Variants in C1GALT1 observed in about 807,000 individuals in gnomAD.
The protein encoded by C1GALT1 is core 1 synthase, glycoprotein-N-acetylgalactosamine 3-beta-galactosyltransferase 1.
Under a neutral mutation model 31.0 loss-of-function variants are expected in C1GALT1, and 11 were observed. The ratio of observed to expected loss-of-function variants is 0.36; its 90% confidence interval spans 0.22 to 0.59. The LOEUF (loss-of-function observed/expected upper bound fraction) is 0.59, where lower values mean the gene tolerates loss of function less well. Ranked by LOEUF, C1GALT1 falls within the 20% of genes least tolerant of loss-of-function variation. The pLI is 0.79. For synonymous variants in C1GALT1, 175 were observed against 143.6 expected (o/e 1.22, Z -1.56); for missense variants, 424 against 425.2 (o/e 1.00, Z 0.03).
chr7:7,206,763 T>TG (rs1019490377), intron 1 of C1GALT1, among the ~76,000 whole-genome samples: 4 of 151,960 alleles, frequency 2.6e-5, no homozygotes, highest in African/African-American at 4.8e-5. Context: ...GCATTTTTTT[T>TG]TTTGTTTTAT....
intron 3 of C1GALT1, among the ~76,000 whole-genome samples, chr7:7,242,210 C>CTTT (rs79025784): frequency 2.3e-5 from 3 of 132,284 alleles, no homozygotes; most frequent in African/African-American, 2.7e-5. Flanking sequence ...TGAAATTTCA[C>CTTT]TTTTTTTTTT....
chr7:7,200,833 G>C (rs1263638812), intron 1 of C1GALT1, among the ~76,000 whole-genome samples: 1 of 152,132 alleles, frequency 6.6e-6, no homozygotes, highest in South Asian at 2.1e-4. Flanking sequence ...TTGTGCCATG[G>C]TTTTCAGCTC....
intron 2 of C1GALT1, among the ~76,000 whole-genome samples, chr7:7,175,928 T>A (rs1269562013): frequency 6.6e-6 from 1 of 152,094 alleles, no homozygotes; most frequent in African/African-American, 2.4e-5. Context: ...CCTACCTTTA[T>A]CCCCTCATTT....
chr7:7,205,997 T>G (rs1562572857), intron 1 of C1GALT1, among the ~76,000 whole-genome samples: 1 of 152,248 alleles, frequency 6.6e-6, no homozygotes, highest in African/African-American at 2.4e-5. Context: ...TCATTTCTTT[T>G]TGTGTGTATT....
intron 1 of C1GALT1, among the ~76,000 whole-genome samples, chr7:7,202,399 A>T (rs750950917): frequency 1.3e-5 from 2 of 152,070 alleles, no homozygotes; most frequent in Non-Finnish European, 2.9e-5. Flanking sequence ...GTTAGTTTTC[A>T]TATATTGTGT....
At position 7,205,245 on chromosome 7, in the gene C1GALT1, G is replaced by A. The variant is rs546527769; in HGVS notation, c.-18+22425G>A. On this transcript the variant is annotated intron_variant, in intron 1 of 3. Coordinates refer to ENST00000436587, the MANE Select transcript of C1GALT1 (RefSeq NM_020156.5). ...ACCCCTGAACAACACAGAGGTTAGGGATGCTATCCCCCCCACGGAAATCTG... is the reference window on the plus strand; with the variant it reads ...ACCCCTGAACAACACAGAGGTTAGGAATGCTATCCCCCCCACGGAAATCTG... Among the ~76,000 whole-genome samples, 4 of 152,116 alleles carry A rather than the reference G, an allele frequency of 2.6e-5. No individual in the cohort carries two copies. In the East Asian group the frequency reaches 7.7e-4, roughly 29 times the overall value.
upstream of C1GALT1, among the ~76,000 whole-genome samples, chr7:7,178,659 G>C (rs1780532229): frequency 1.3e-5 from 2 of 152,052 alleles, no homozygotes; most frequent in African/African-American, 4.8e-5. Flanking sequence ...AGATAATACA[G>C]GTGTCAGGGA....
chr7:7,219,664 T>C (rs1355259856), intron 1 of C1GALT1, among the ~76,000 whole-genome samples: 2 of 152,184 alleles, frequency 1.3e-5, no homozygotes, highest in Non-Finnish European at 2.9e-5. Flanking sequence ...TCAAGAAATA[T>C]ATATTCATTA....
At chr7:7,184,342 G>C (rs76555676) in intron 1 of C1GALT1, among the ~76,000 whole-genome samples, 3,214 of 152,202 alleles carry the variant, frequency 0.021, 105 homozygotes, top group African/African-American at 0.072. Context: ...AATTTGCCTG[G>C]AATGTGTATT....
chr7:7,229,564 T>C (rs1449499037), intron 1 of C1GALT1, among the ~76,000 whole-genome samples: 2 of 152,232 alleles, frequency 1.3e-5, no homozygotes, highest in African/African-American at 4.8e-5. Flanking sequence ...GATACTTGAC[T>C]AATCAGTTCT....
chr7:7,245,577 C>T lies in C1GALT1; in HGVS notation c.*1850C>T, dbSNP rs1783810607. ...CATTTCATTGGTTAACCATGGACTA[C>T]TCTGTCCACGTAGTGAAAACATGCA... is the stretch of plus-strand genomic sequence containing the variant. On this transcript the variant is annotated 3_prime_UTR_variant, in exon 4 of 4. Coordinates refer to ENST00000436587, the MANE Select transcript of C1GALT1 (RefSeq NM_020156.5). The T allele has an allele frequency of 6.6e-6, 1 of 152,230 alleles. No individual in the cohort carries two copies. The highest frequency in any genetic ancestry group is 2.4e-5 in the African/African-American group (1 of 41,470). The allele number at this position is 152,230 out of a possible 1,614,324, so 9.4% of individuals were successfully genotyped here. A position where few individuals can be genotyped will look rare whatever the true frequency, so the allele number is the denominator to read the frequency against.
chr7:7,164,501 ACT>A (rs1012302338), intron 2 of C1GALT1, among the ~76,000 whole-genome samples: 9 of 152,134 alleles, frequency 5.9e-5, no homozygotes, highest in African/African-American at 2.2e-4. Flanking sequence ...CAGAAAACAG[ACT>A]CTGAAATGGA....
intron 1 of C1GALT1, among the ~76,000 whole-genome samples, chr7:7,195,998 T>C (rs1583759345): frequency 6.6e-6 from 1 of 152,306 alleles, no homozygotes; most frequent in East Asian, 1.9e-4. Context: ...TTCTGCTAGC[T>C]TTCTGTGTCC....
intron 1 of C1GALT1, among the ~76,000 whole-genome samples, chr7:7,225,962 T>A (rs17165289): frequency 0.033 from 4,967 of 152,248 alleles, 244 homozygotes; most frequent in African/African-American, 0.11. Flanking sequence ...GAACTTTAAA[T>A]GAAATGGGGG....
chr7:7,181,929 T>C (rs2128228369), upstream of C1GALT1, among the ~76,000 whole-genome samples: 1 of 152,234 alleles, frequency 6.6e-6, no homozygotes, highest in African/African-American at 2.4e-5. Context: ...GGAGATAGGT[T>C]TTGTTACGCC....
chr7:7,159,284 T>C (rs1484490345), intron 2 of C1GALT1, among the ~76,000 whole-genome samples: 11 of 152,116 alleles, frequency 7.2e-5, no homozygotes, highest in South Asian at 2.1e-4. Context: ...ACTGTAATAT[T>C]GACCACCTTT....
At chr7:7,170,850 T>TA in intron 2 of C1GALT1, among the ~76,000 whole-genome samples, 1 of 152,232 alleles carries the variant, frequency 6.6e-6, no homozygotes, top group East Asian at 1.9e-4. Flanking sequence ...TTCTAGTTTT[T>TA]ATTGTAGTTT....
chr7:7,221,741 C>T (rs1250950936), intron 1 of C1GALT1, among the ~76,000 whole-genome samples: 1 of 152,158 alleles, frequency 6.6e-6, no homozygotes, highest in Non-Finnish European at 1.5e-5. Context: ...CAGATGATGC[C>T]AGTGCTCTCT....
chr7:7,190,977 T>A (rs984740450), intron 1 of C1GALT1, among the ~76,000 whole-genome samples: 7 of 152,152 alleles, frequency 4.6e-5, no homozygotes, highest in African/African-American at 1.7e-4. Flanking sequence ...CTTTTTAAAA[T>A]TTTGGTAAAA....
Sources: allele counts gnomAD v4.1 joint callset (sites outside exome capture counted in the v4.1 genomes callset), GRCh38; gene constraint gnomAD v4.1.1; transcripts MANE v1.5; gene names NCBI Gene and HGNC (gene_info 2026-07-23, HGNC 2026-07-21).